NCOA1: variants seen among roughly 807,000 people sequenced by gnomAD.
NCOA1 encodes the protein nuclear receptor coactivator 1, also known as Hin-2 protein.
NCOA1 carries 35 observed loss-of-function variants against 150.9 expected under a neutral mutation model. That is an observed-to-expected ratio of 0.23 (90% CI 0.18 to 0.31). NCOA1 has a LOEUF of 0.31. Among genes scored for constraint, NCOA1 ranks in the 10% least tolerant of loss-of-function variants. NCOA1 has a pLI of 1.00. For synonymous variants in NCOA1, 590 were observed against 630.0 expected, an observed-to-expected ratio of 0.94 and a Z score of 0.95; for missense variants, 1,491 against 1,749.3, an observed-to-expected ratio of 0.85 and a Z score of 2.63.
intron 3 of NCOA1, among the ~76,000 whole-genome samples, chr2:24,639,374 T>C (rs1321636119): frequency 2.0e-5 from 3 of 152,162 alleles, no homozygotes; most frequent in African/African-American, 7.2e-5. Context: ...TATATTTGTA[T>C]GATCTGTGGT....
intron 14 of NCOA1, among the ~76,000 whole-genome samples, chr2:24,723,396 AATCTTATG>A (rs1674454429): frequency 1.3e-5 from 2 of 152,228 alleles, no homozygotes. Flanking sequence ...TGTAATGAAT[AATCTTATG>A]TAGAGATAAT....
At chr2:24,538,902 C>T (rs577088307) in intron 1 of NCOA1, among the ~76,000 whole-genome samples, 9 of 152,128 alleles carry the variant, frequency 5.9e-5, no homozygotes, top group South Asian at 2.1e-4. Flanking sequence ...AACATGACAG[C>T]GTAGTGATAC....
chr2:24,689,268 T>A (rs1672551762), intron 8 of NCOA1, among the ~76,000 whole-genome samples: 1 of 152,214 alleles, frequency 6.6e-6, no homozygotes, highest in Non-Finnish European at 1.5e-5. Context: ...ATGTCATTGG[T>A]AGTTTGATAG....
intron 5 of NCOA1, among the ~76,000 whole-genome samples, chr2:24,659,552 A>G (rs1671089171): frequency 1.3e-5 from 2 of 152,314 alleles, no homozygotes; most frequent in Non-Finnish European, 2.9e-5. Context: ...TTACATGAAT[A>G]TACCACATTT....
intron 1 of NCOA1, among the ~76,000 whole-genome samples, chr2:24,529,301 C>G (rs747106940): frequency 6.6e-6 from 1 of 152,188 alleles, no homozygotes; most frequent in Non-Finnish European, 1.5e-5. Context: ...GTTGATACTG[C>G]GTCATTAATC....
intron 1 of NCOA1, among the ~76,000 whole-genome samples, chr2:24,510,631 C>A (rs143827494): frequency 6.6e-6 from 1 of 152,116 alleles, no homozygotes; most frequent in South Asian, 2.1e-4. Flanking sequence ...GGATTACAGG[C>A]GTGAGCCACT....
chr2:24,620,430 C>A (rs1669084862), intron 3 of NCOA1, among the ~76,000 whole-genome samples: 1 of 152,074 alleles, frequency 6.6e-6, no homozygotes, highest in African/African-American at 2.4e-5. Flanking sequence ...ATAGAGAAAC[C>A]CCGTCTCTAC....
chr2:24,660,297 G>A (rs2148494807), intron 5 of NCOA1, among the ~76,000 whole-genome samples: 1 of 151,888 alleles, frequency 6.6e-6, no homozygotes, highest in African/African-American at 2.4e-5. Flanking sequence ...AAGAATATAG[G>A]CGAAGACACT....
At chr2:24,583,054 A>G (rs992091076) in intron 2 of NCOA1, among the ~76,000 whole-genome samples, 1 of 152,206 alleles carries the variant, frequency 6.6e-6, no homozygotes, top group African/African-American at 2.4e-5. Flanking sequence ...AACAAAAGCA[A>G]CAATAGACAA....
intron 14 of NCOA1, among the ~76,000 whole-genome samples, 200 bp from the exon 15 acceptor site, chr2:24,726,389 G>A (rs752263021): frequency 3.8e-4 from 58 of 151,876 alleles, no homozygotes; most frequent in Non-Finnish European, 5.7e-4. Context: ...CCTTGATTCA[G>A]AAATCTTTTT....
chr2:24,650,336 A>G (rs996175989), intron 4 of NCOA1, among the ~76,000 whole-genome samples: 7 of 152,322 alleles, frequency 4.6e-5, no homozygotes, highest in Non-Finnish European at 5.9e-5. Context: ...TATTTGGCCC[A>G]TATACAGGAA....
chr2:24,522,609 T>A (rs1009889014), intron 1 of NCOA1, among the ~76,000 whole-genome samples: 1 of 152,028 alleles, frequency 6.6e-6, no homozygotes, highest in Non-Finnish European at 1.5e-5. Context: ...GATTTAGCAA[T>A]GGTATAGAAA....
At chr2:24,763,395 C>T (rs963634858) in intron 22 of NCOA1, among the ~76,000 whole-genome samples, 1 of 151,172 alleles carries the variant, frequency 6.6e-6, no homozygotes, top group African/African-American at 2.4e-5. Flanking sequence ...AAAAATTAGC[C>T]GGGTGAGGTG....
chr2:24,577,242 T>C lies in NCOA1; in HGVS notation c.-259-7234T>C, dbSNP rs1178715355. Among the ~76,000 whole-genome samples the C allele has an allele frequency of 2.0e-5, 3 of 152,218 alleles. No individual in the cohort carries two copies. The East Asian group carries it at 5.8e-4, about 29-fold the overall frequency. ...CTACTCAAATGAATGAGTGAATAAA[T>C]TAGTAATCGAATAAATGTAGACACA... On this transcript the variant is annotated intron_variant, in intron 2 of 22. Coordinates refer to ENST00000348332, the MANE Select transcript of NCOA1 (RefSeq NM_003743.5).
chr2:24,600,200 TTTG>T (rs773615016), intron 3 of NCOA1, among the ~76,000 whole-genome samples: 30 of 152,270 alleles, frequency 2.0e-4, no homozygotes, highest in South Asian at 1.5e-3. Flanking sequence ...ATTATGTTTT[TTTG>T]TTGTTGTTGT....
intron 14 of NCOA1, among the ~76,000 whole-genome samples, chr2:24,716,801 G>A (rs183127648): frequency 1.6e-4 from 24 of 152,254 alleles, no homozygotes; most frequent in Non-Finnish European, 3.4e-4. Context: ...ACCCAGATGG[G>A]TTCACTTGTA....
chr2:24,548,901 A>C (rs370187799), intron 1 of NCOA1, among the ~76,000 whole-genome samples: 5 of 152,056 alleles, frequency 3.3e-5, no homozygotes, highest in African/African-American at 1.2e-4. Context: ...AGTGCCTGCA[A>C]CTTTTCCAGG....
intron 2 of NCOA1, among the ~76,000 whole-genome samples, chr2:24,566,975 C>T (rs1666538665): frequency 6.6e-6 from 1 of 152,244 alleles, no homozygotes. Flanking sequence ...GTTGCAGCTG[C>T]ACCCAGGAGG....
chr2:24,734,041 T>G (rs1443101135), intron 17 of NCOA1, among the ~76,000 whole-genome samples: 1 of 151,092 alleles, frequency 6.6e-6, no homozygotes, highest in Non-Finnish European at 1.5e-5. Context: ...AAAAATTAGC[T>G]GGGTGTGGTG....
Sources: allele counts gnomAD v4.1 joint callset (sites outside exome capture counted in the v4.1 genomes callset), GRCh38; gene constraint gnomAD v4.1.1; transcripts MANE v1.5; gene names NCBI Gene and HGNC (gene_info 2026-07-23, HGNC 2026-07-21).